The following CPVL variants were observed in gnomAD, a reference collection of about 807,000 sequenced individuals.
The protein encoded by CPVL is probable serine carboxypeptidase CPVL.
CPVL carries 51 observed loss-of-function variants against 63.7 expected under a neutral mutation model. The ratio of observed to expected loss-of-function variants is 0.80; its 90% CI spans 0.64 to 1.01. The LOEUF is 1.01. CPVL is among the 50% of genes least tolerant of loss of function. CPVL has a pLI of 0.00. For synonymous variants in CPVL, 195 were observed against 206.0 expected (o/e 0.95, Z 0.46); for missense variants, 530 against 573.1 (o/e 0.92, Z 0.77).
chr7:29,071,207 A>C (rs1159050456), intron 9 of CPVL, among the ~76,000 whole-genome samples: 1 of 152,228 alleles, frequency 6.6e-6, no homozygotes, highest in Non-Finnish European at 1.5e-5. Context: ...GAACGTAATT[A>C]TTGATTCTCA....
chr7:29,123,740 A>G (rs1190962416), intron 1 of CPVL, among the ~76,000 whole-genome samples: 1 of 147,898 alleles, frequency 6.8e-6, no homozygotes, highest in Non-Finnish European at 1.5e-5. Flanking sequence ...CAGAAACAAG[A>G]AACCAATCAT....
chr7:29,032,438 T>C (rs1304524563), intron 11 of CPVL, among the ~76,000 whole-genome samples: 1 of 152,130 alleles, frequency 6.6e-6, no homozygotes, highest in Non-Finnish European at 1.5e-5. Context: ...AAAATTCAAC[T>C]GAACTCCAGT....
intron 1 of CPVL, among the ~76,000 whole-genome samples, chr7:29,143,072 GCACTC>G (rs1381653337): frequency 1.3e-5 from 2 of 151,930 alleles, no homozygotes; most frequent in Non-Finnish European, 2.9e-5. Flanking sequence ...AAAACACAAG[GCACTC>G]CATTCCTCCC....
intron 12 of CPVL, among the ~76,000 whole-genome samples, chr7:29,001,591 G>A (rs577701138): frequency 5.9e-5 from 9 of 152,266 alleles, no homozygotes; most frequent in Admixed American, 3.3e-4. Context: ...AGTCACTTTC[G>A]AAAGAATGAA....
intron 5 of CPVL, among the ~76,000 whole-genome samples, chr7:29,152,724 G>A (rs1190838260): frequency 8.5e-5 from 13 of 152,322 alleles, no homozygotes; most frequent in African/African-American, 2.2e-4. Flanking sequence ...GCTCTGAGAC[G>A]GTTGGAAGAG....
chr7:29,122,838 T>C, intron 1 of CPVL, among the ~76,000 whole-genome samples: 1 of 152,178 alleles, frequency 6.6e-6, no homozygotes, highest in East Asian at 1.9e-4. Context: ...ATATTACTAG[T>C]CTTGAATTTT....
chr7:29,047,670 A>C lies in CPVL; in HGVS notation c.1137+16391T>G, dbSNP rs560489835. On this transcript the variant is annotated intron_variant, in intron 11 of 12. Coordinates refer to ENST00000265394, the MANE Select transcript of CPVL (RefSeq NM_031311.5). ...GCCTTGCTAGAGACCTAGACATCCAAATACAAGAAGCACAAAGAACACCTG... is the reference window on the plus strand; with the variant it reads ...GCCTTGCTAGAGACCTAGACATCCACATACAAGAAGCACAAAGAACACCTG... 5.9e-5 allele frequency among the ~76,000 whole-genome samples: 9 copies of C among 152,328 alleles called. No homozygotes were observed. In the East Asian group the frequency reaches 1.5e-3, roughly 26 times the overall value.
chr7:29,120,561 C>T (rs749425051), intron 2 of CPVL, among the ~76,000 whole-genome samples: 2 of 152,064 alleles, frequency 1.3e-5, no homozygotes, highest in Non-Finnish European at 2.9e-5. Context: ...CAGTGGCTCA[C>T]AGCTGTAATC....
intron 5 of CPVL, among the ~76,000 whole-genome samples, chr7:29,153,366 T>C (rs1793881115): frequency 6.6e-6 from 1 of 152,156 alleles, no homozygotes; most frequent in Non-Finnish European, 1.5e-5. Flanking sequence ...CGGATTTTTT[T>C]CTAGAAAAGT....
At chr7:29,164,152 C>T (rs548352149) in intron 5 of CPVL, among the ~76,000 whole-genome samples, 14 of 152,194 alleles carry the variant, frequency 9.2e-5, no homozygotes, top group Admixed American at 7.9e-4. Context: ...TGCTCCATAT[C>T]CTTCCCAACA....
At chr7:29,009,544 A>T (rs1328647437) in intron 12 of CPVL, 1 of 152,364 alleles carries the variant, frequency 6.6e-6, no homozygotes, top group East Asian at 1.9e-4. Flanking sequence ...ATGATGAAAT[A>T]CTATGCAGCA....
At chr7:29,078,276 C>T (rs1485616381) in intron 7 of CPVL, among the ~76,000 whole-genome samples, 1 of 152,146 alleles carries the variant, frequency 6.6e-6, no homozygotes, top group East Asian at 1.9e-4. Context: ...ATACATGCTG[C>T]TTCCCAAATG....
chr7:29,070,182 G>A (rs986416739), intron 9 of CPVL, among the ~76,000 whole-genome samples: 5 of 152,160 alleles, frequency 3.3e-5, no homozygotes, highest in African/African-American at 4.8e-5. Context: ...TTGGGGTTCC[G>A]GTTTCTGACG....
intron 2 of CPVL, among the ~76,000 whole-genome samples, chr7:29,114,837 C>A (rs545085137): frequency 6.6e-6 from 1 of 152,258 alleles, no homozygotes; most frequent in East Asian, 1.9e-4. Context: ...CATGTAAAAT[C>A]TATATAAAGA....
intron 5 of CPVL, among the ~76,000 whole-genome samples, chr7:29,158,971 G>A (rs369427578): frequency 6.6e-5 from 10 of 152,242 alleles, no homozygotes; most frequent in South Asian, 4.1e-4. Flanking sequence ...TGCGGCAATC[G>A]AAATATCCTA....
At chr7:29,149,189 C>CTTTTT (rs60520174), upstream of CPVL, among the ~76,000 whole-genome samples, 19 of 100,346 alleles carry the variant, frequency 1.9e-4, 1 homozygote, top group Non-Finnish European at 2.2e-4. Context: ...GTCTGTTTCC[C>CTTTTT]TTTTTTTTTT....
rs149798875 is a variant in CPVL, at chr7:29,140,878, C to T, written c.-11+5551G>A. Among the ~76,000 whole-genome samples, 1,448 of 152,264 alleles carry T rather than the reference C, an allele frequency of 9.5e-3. 11 individuals carry two copies. The highest frequency in any genetic ancestry group is 0.034 in the Middle Eastern group (10 of 294). ...TAAGTGAAAATAGAGCTTTTCTCCA[C>T]TTCACCCTTAAATAAGCCAGGATTT... On this transcript the variant is annotated intron_variant, in intron 1 of 12. Transcript: ENST00000265394.
intron 11 of CPVL, among the ~76,000 whole-genome samples, chr7:29,050,007 G>A (rs1584101568): frequency 6.6e-6 from 1 of 151,930 alleles, no homozygotes; most frequent in Admixed American, 6.6e-5. Context: ...GGCATACAAG[G>A]GACATACCTC....
chr7:29,072,388 G>A lies in CPVL; in HGVS notation c.645C>T (p.His215=), dbSNP rs1324685015. Residue 215 remains histidine (H), a synonymous_variant, in exon 8 of 13, where the codon CAC becomes CAT. Transcript: ENST00000265394. The part of the protein sequence containing the change: ...YAGKYVPAIA[H]LIHSLNPVRE... The stretch of plus-strand genomic sequence containing the variant: ...TCACAGGGTTGAGGGAATGGATGAG[G>A]TGTGCAATGGCTGGCACATATTTCC... The A allele has an allele frequency of 5.0e-6, 8 of 1,614,062 alleles. No individual in the cohort carries two copies. The highest frequency in any genetic ancestry group is 6.8e-6 in the Non-Finnish European group (8 of 1,179,928).
Sources: gnomAD v4.1 joint callset for allele counts (sites outside exome capture counted in the v4.1 genomes callset) on GRCh38, gnomAD v4.1.1 for gene constraint, MANE v1.5 for transcripts, NCBI Gene and HGNC (gene_info 2026-07-23, HGNC 2026-07-21) for gene names.